PRKCA: variants seen among roughly 807,000 people sequenced by gnomAD.
PRKCA encodes protein kinase C alpha.
In PRKCA, 27 loss-of-function variants were observed where a neutral mutation model predicts 87.0. The observed-to-expected ratio is 0.31, with a 90% CI of 0.23 to 0.43. PRKCA has a LOEUF of 0.43. Among genes scored for constraint, PRKCA ranks in the 20% least tolerant of loss-of-function variants. PRKCA has a pLI of 1.00. For missense variants in PRKCA, 518 were observed against 852.3 expected, an observed-to-expected ratio of 0.61 and a Z score of 4.88; for synonymous variants, 329 against 311.1, an observed-to-expected ratio of 1.06 and a Z score of -0.61.
chr17:66,422,677 A>G (rs949755187), intron 2 of PRKCA, among the ~76,000 whole-genome samples: 1 of 152,194 alleles, frequency 6.6e-6, no homozygotes, highest in African/African-American at 2.4e-5. Context: ...GCATCATGCA[A>G]TCTAGGACAT....
chr17:66,468,203 C>T (rs1362685167), intron 2 of PRKCA, among the ~76,000 whole-genome samples: 2 of 152,146 alleles, frequency 1.3e-5, no homozygotes, highest in African/African-American at 4.8e-5. Context: ...TGACTTTTTC[C>T]TTTATCTGGG....
intron 2 of PRKCA, among the ~76,000 whole-genome samples, chr17:66,399,063 A>C (rs1910850416): frequency 6.6e-6 from 1 of 150,554 alleles, no homozygotes; most frequent in Non-Finnish European, 1.5e-5. Flanking sequence ...ATATTGATGC[A>C]CCATGTGGTA....
At chr17:66,715,852 A>G (rs575837550) in intron 8 of PRKCA, among the ~76,000 whole-genome samples, 2 of 152,286 alleles carry the variant, frequency 1.3e-5, no homozygotes, top group African/African-American at 4.8e-5. Flanking sequence ...ATCTCTGCTA[A>G]AAGATCCCAG....
At chr17:66,619,297 T>A (rs1567935700) in intron 3 of PRKCA, among the ~76,000 whole-genome samples, 1 of 152,190 alleles carries the variant, frequency 6.6e-6, no homozygotes, top group Non-Finnish European at 1.5e-5. Flanking sequence ...GGTAAATTGT[T>A]TAAAATTGGT....
intron 3 of PRKCA, among the ~76,000 whole-genome samples, chr17:66,500,961 T>TTG (rs1045367312): frequency 7.5e-6 from 1 of 132,726 alleles, no homozygotes; most frequent in African/African-American, 4.0e-5. Flanking sequence ...TAAATTAGGA[T>TTG]TTTTTTTTTC....
intron 16 of PRKCA, among the ~76,000 whole-genome samples, chr17:66,795,204 G>C (rs1296259161): frequency 1.3e-5 from 2 of 152,258 alleles, no homozygotes; most frequent in Non-Finnish European, 2.9e-5. Flanking sequence ...TAGTGCAGGG[G>C]CTCTGCAGGT....
chr17:66,457,201 C>T (rs1914612140), intron 2 of PRKCA, among the ~76,000 whole-genome samples: 1 of 152,056 alleles, frequency 6.6e-6, no homozygotes, highest in Non-Finnish European at 1.5e-5. Flanking sequence ...GGTGTTTGTC[C>T]AAGAGAACTT....
intron 3 of PRKCA, among the ~76,000 whole-genome samples, chr17:66,612,518 A>C (rs942133343): frequency 2.6e-5 from 4 of 152,132 alleles, no homozygotes; most frequent in Non-Finnish European, 5.9e-5. Flanking sequence ...AAGAAACCTG[A>C]CATTGGTAAT....
intron 5 of PRKCA, among the ~76,000 whole-genome samples, chr17:66,659,702 T>TTGCACCAC (rs3053431): frequency 0.57 from 86,588 of 151,328 alleles, 25,059 homozygotes; most frequent in African/African-American, 0.69. Context: ...TGAGCCAAGA[T>TTGCACCAC]TGCACTCCAG....
intron 2 of PRKCA, among the ~76,000 whole-genome samples, chr17:66,425,284 C>T (rs1000195262): frequency 1.3e-5 from 2 of 152,170 alleles, no homozygotes; most frequent in Non-Finnish European, 2.9e-5. Context: ...CCACCAACAT[C>T]CACAGACCTC....
At position 66,805,099 on chromosome 17, in the gene PRKCA, C is replaced by T. The variant is rs1161379647; in HGVS notation, c.*1062C>T. 1.0e-6 allele frequency: 1 copy of T among 983,826 alleles called. No individual in the cohort carries two copies. Among genetic ancestry groups the T allele is most frequent in the African/African-American group, 1.7e-5 (1 of 57,180 alleles). The allele number at this position is 983,826 out of a possible 1,614,324, so 60.9% of individuals were successfully genotyped here. ...CAGCCTCTACCGATTGATTTTCCTCCCTTCTCTAGCCCTGGATGTCCACTT... is the reference window on the plus strand; with the variant it reads ...CAGCCTCTACCGATTGATTTTCCTCTCTTCTCTAGCCCTGGATGTCCACTT... On this transcript the variant is annotated 3_prime_UTR_variant, in exon 17 of 17. Coordinates refer to ENST00000413366, the MANE Select transcript of PRKCA (RefSeq NM_002737.3).
chr17:66,493,442 C>CG (rs1567857251), intron 2 of PRKCA, among the ~76,000 whole-genome samples: 1 of 151,900 alleles, frequency 6.6e-6, no homozygotes, highest in Non-Finnish European at 1.5e-5. Flanking sequence ...GATGAAAGGA[C>CG]GGGGGGCTGT....
chr17:66,622,902 C>T (rs535447559), intron 3 of PRKCA, among the ~76,000 whole-genome samples: 10 of 152,334 alleles, frequency 6.6e-5, no homozygotes, highest in South Asian at 6.2e-4. Flanking sequence ...GTCCCTCCCA[C>T]GACATGTGGG....
intron 3 of PRKCA, among the ~76,000 whole-genome samples, chr17:66,565,662 T>C (rs1473687149): frequency 1.3e-5 from 2 of 152,120 alleles, no homozygotes; most frequent in Non-Finnish European, 2.9e-5. Context: ...TCTATGCATG[T>C]TGAAGTCTGG....
In PRKCA at chr17:66,553,046, A is replaced by G. The variant is rs374786691; in HGVS notation, c.288+56763A>G. Among the ~76,000 whole-genome samples, 13 of 151,098 alleles carry G rather than the reference A, an allele frequency of 8.6e-5. No homozygotes were observed. The East Asian group carries it at 1.8e-3, about 20-fold the overall frequency. On this transcript the variant is annotated intron_variant, in intron 3 of 16. Coordinates refer to ENST00000413366, the MANE Select transcript of PRKCA (RefSeq NM_002737.3). The stretch of plus-strand genomic sequence containing the variant: ...GCTGGTGCCAGAGTGCAGTGGTGTG[A>G]TCTTGGCTCACTGCAACCTCTGCCC...
At chr17:66,594,812 C>T (rs71379980) in intron 3 of PRKCA, among the ~76,000 whole-genome samples, 11,957 of 152,202 alleles carry the variant, frequency 0.079, 599 homozygotes, top group South Asian at 0.21. Context: ...ACTGCAGGTG[C>T]CTCACTGATC....
At chr17:66,498,051 G>T (rs553216384) in intron 3 of PRKCA, among the ~76,000 whole-genome samples, 1 of 152,190 alleles carries the variant, frequency 6.6e-6, no homozygotes, top group South Asian at 2.1e-4. Context: ...TCATGGACAA[G>T]GAAGCCCAAG....
chr17:66,510,447 A>G (rs144586540), intron 3 of PRKCA, among the ~76,000 whole-genome samples: 24 of 152,286 alleles, frequency 1.6e-4, no homozygotes, highest in African/African-American at 5.5e-4. Context: ...TTGAAAGGCA[A>G]AACTTGTTTT....
At position 66,690,653 on chromosome 17, in the gene PRKCA, C is replaced by G. The variant is rs568513739; in HGVS notation, c.918+1606C>G. ...TTCAAGACTGGCCAACATGGCGAAA[C>G]CCAATCTCTACTAAAAATACAAAAA... is the stretch of plus-strand genomic sequence containing the variant. On this transcript the variant is annotated intron_variant, in intron 8 of 16. Transcript: ENST00000413366. Among the ~76,000 whole-genome samples the G allele has an allele frequency of 2.0e-5, 3 of 152,126 alleles. No individual in the cohort carries two copies. In the East Asian group the frequency reaches 5.8e-4, roughly 29 times the overall value.
Sources: allele counts gnomAD v4.1 joint callset (sites outside exome capture counted in the v4.1 genomes callset), GRCh38; gene constraint gnomAD v4.1.1; transcripts MANE v1.5; gene names NCBI Gene and HGNC (gene_info 2026-07-23, HGNC 2026-07-21).